The following PBX3 variants were observed in gnomAD, a reference collection of about 807,000 sequenced individuals.
PBX3 encodes PBX homeobox 3, also known as pre-B-cell leukemia transcription factor 3.
PBX3 carries 14 observed loss-of-function variants against 48.5 expected under a neutral mutation model. The ratio of observed to expected loss-of-function variants is 0.29; its 90% CI spans 0.19 to 0.45. The LOEUF is 0.45. Ranked by LOEUF, PBX3 falls within the 20% of genes least tolerant of loss-of-function variation. PBX3 has a pLI of 1.00. For missense variants in PBX3, 386 were observed against 546.7 expected, an observed-to-expected ratio of 0.71 and a Z score of 2.93; for synonymous variants, 210 against 200.3, an observed-to-expected ratio of 1.05 and a Z score of -0.41.
At chr9:125,933,372 C>A (rs1198370326) in intron 4 of PBX3, among the ~76,000 whole-genome samples, 1 of 152,170 alleles carries the variant, frequency 6.6e-6, no homozygotes, top group Non-Finnish European at 1.5e-5. Flanking sequence ...TTGGACACAG[C>A]CAGAATGTCC....
At chr9:125,896,684 T>G (rs1037127377) in intron 2 of PBX3, among the ~76,000 whole-genome samples, 1 of 152,080 alleles carries the variant, frequency 6.6e-6, no homozygotes, top group Non-Finnish European at 1.5e-5. Context: ...TCAAGAGCCA[T>G]CACACTCATT....
At chr9:125,897,421 A>C (rs1179528207) in intron 2 of PBX3, among the ~76,000 whole-genome samples, 2 of 151,860 alleles carry the variant, frequency 1.3e-5, no homozygotes, top group Non-Finnish European at 2.9e-5. Context: ...AATAGAGTAC[A>C]TTTTGGATTG....
chr9:125,889,516 C>T (rs1285909574), intron 2 of PBX3, among the ~76,000 whole-genome samples: 1 of 152,148 alleles, frequency 6.6e-6, no homozygotes, highest in East Asian at 1.9e-4. Context: ...TCTCAGTCAC[C>T]TTGATGAAAC....
intron 2 of PBX3, among the ~76,000 whole-genome samples, chr9:125,757,340 A>C (rs1280295395): frequency 6.6e-6 from 1 of 151,898 alleles, no homozygotes; most frequent in East Asian, 1.9e-4. Flanking sequence ...TATCATTTTC[A>C]ACTTGGAATA....
At chr9:125,883,459 T>C (rs2132357236) in intron 2 of PBX3, among the ~76,000 whole-genome samples, 1 of 152,352 alleles carries the variant, frequency 6.6e-6, no homozygotes, top group East Asian at 1.9e-4. Flanking sequence ...GTACTTTTTT[T>C]CATGGCCAAG....
chr9:125,951,016 C>T lies in PBX3; in HGVS notation c.844-9668C>T, dbSNP rs529747324. 7.2e-5 allele frequency among the ~76,000 whole-genome samples: 11 copies of T among 152,254 alleles called. No individual in the cohort carries two copies. The East Asian group carries it at 7.7e-4, about 11-fold the overall frequency. On this transcript the variant is annotated intron_variant, in intron 5 of 8. Coordinates refer to ENST00000373489, the MANE Select transcript of PBX3 (RefSeq NM_006195.6). Reference sequence around the variant, plus strand: ...TTTTATCAGGTAAGACATAATGAAACGGGCTTTGTAACCTTAGGCAAGTTA... The same window carrying T: ...TTTTATCAGGTAAGACATAATGAAATGGGCTTTGTAACCTTAGGCAAGTTA...
At chr9:125,926,775 G>T (rs763621874) in intron 3 of PBX3, among the ~76,000 whole-genome samples, 1 of 152,164 alleles carries the variant, frequency 6.6e-6, no homozygotes, top group Non-Finnish European at 1.5e-5. Context: ...AGCCAAGATC[G>T]TGCCATTGCA....
At chr9:125,818,885 G>A (rs1838561026) in intron 2 of PBX3, among the ~76,000 whole-genome samples, 6 of 152,054 alleles carry the variant, frequency 3.9e-5, no homozygotes, top group Non-Finnish European at 8.8e-5. Flanking sequence ...GCCCAGGCTG[G>A]AGTGCAGTGG....
intron 2 of PBX3, among the ~76,000 whole-genome samples, chr9:125,873,187 AAAAAC>A (rs201592676): frequency 0.025 from 3,879 of 152,228 alleles, 67 homozygotes; most frequent in South Asian, 0.043. Context: ...TCTGTCTCAA[AAAAAC>A]AAAACAAAAC....
chr9:125,750,107 A>G (rs1836330053), intron 2 of PBX3, among the ~76,000 whole-genome samples: 1 of 152,248 alleles, frequency 6.6e-6, no homozygotes, highest in Admixed American at 6.5e-5. Context: ...AGAAGCTTAA[A>G]AGTATGCAAT....
intron 2 of PBX3, among the ~76,000 whole-genome samples, chr9:125,819,190 A>C (rs1838571235): frequency 6.6e-6 from 1 of 151,810 alleles, no homozygotes; most frequent in Non-Finnish European, 1.5e-5. Flanking sequence ...ATCTAAAACT[A>C]TTTTTTTACT....
At chr9:125,815,986 G>T (rs1158263485) in intron 2 of PBX3, among the ~76,000 whole-genome samples, 3 of 150,992 alleles carry the variant, frequency 2.0e-5, no homozygotes. Flanking sequence ...CTTTCTCTCT[G>T]CCTCCCTCCG....
intron 3 of PBX3, among the ~76,000 whole-genome samples, chr9:125,919,027 C>T (rs1020617520): frequency 1.3e-5 from 2 of 152,094 alleles, no homozygotes; most frequent in Non-Finnish European, 2.9e-5. Flanking sequence ...TGTCCAATGT[C>T]GCACATCTAG....
At chr9:125,953,222 A>G (rs950575360) in intron 5 of PBX3, among the ~76,000 whole-genome samples, 6 of 152,084 alleles carry the variant, frequency 3.9e-5, no homozygotes, top group African/African-American at 1.4e-4. Flanking sequence ...GGGCAGTAGG[A>G]CTGAGGGGCC....
At chr9:125,924,135 A>T (rs1463619866) in intron 3 of PBX3, among the ~76,000 whole-genome samples, 1 of 152,244 alleles carries the variant, frequency 6.6e-6, no homozygotes, top group Non-Finnish European at 1.5e-5. Flanking sequence ...CCCACAAAGT[A>T]CTAGAATTAT....
intron 5 of PBX3, among the ~76,000 whole-genome samples, chr9:125,953,939 G>A (rs1014856616): frequency 3.3e-5 from 5 of 152,158 alleles, no homozygotes; most frequent in Non-Finnish European, 7.4e-5. Context: ...AGGTATGCAC[G>A]GTTTCATGGT....
chr9:125,797,743 A>G (rs1425753853), intron 2 of PBX3, among the ~76,000 whole-genome samples: 1 of 152,158 alleles, frequency 6.6e-6, no homozygotes, highest in Non-Finnish European at 1.5e-5. Flanking sequence ...ATTATTAACT[A>G]TAGTCCTTAT....
At chr9:125,826,049 C>T (rs527720348) in intron 2 of PBX3, among the ~76,000 whole-genome samples, 4 of 152,144 alleles carry the variant, frequency 2.6e-5, no homozygotes, top group Admixed American at 1.3e-4. Context: ...AAGGCAATAA[C>T]GTTAATATTT....
At chr9:125,810,323 A>G (rs1443354589) in intron 2 of PBX3, among the ~76,000 whole-genome samples, 1 of 151,876 alleles carries the variant, frequency 6.6e-6, no homozygotes, top group East Asian at 1.9e-4. Flanking sequence ...CTTCAAAAGA[A>G]TGTATTTTAT....
Sources: gnomAD v4.1 joint callset for allele counts (sites outside exome capture counted in the v4.1 genomes callset) on GRCh38, gnomAD v4.1.1 for gene constraint, MANE v1.5 for transcripts, NCBI Gene and HGNC (gene_info 2026-07-23, HGNC 2026-07-21) for gene names.